The following SIK3 variants were observed in gnomAD, a reference collection of about 807,000 sequenced individuals.
SIK3 encodes SIK family kinase 3.
In SIK3, 28 loss-of-function variants were observed where a neutral mutation model predicts 144.2. The ratio of observed to expected loss-of-function variants is 0.19; its 90% confidence interval spans 0.14 to 0.27. The LOEUF is 0.27. Ranked by LOEUF, SIK3 falls within the 10% of genes least tolerant of loss-of-function variation. The probability of loss-of-function intolerance (pLI) is 1.00; values close to 1 mark genes in which losing one functional copy is unlikely to be tolerated. For synonymous variants in SIK3, 686 were observed against 676.3 expected, an observed-to-expected ratio of 1.01 and a Z score of -0.22; for missense variants, 1,319 against 1,776.0, an observed-to-expected ratio of 0.74 and a Z score of 4.62.
intron 3 of SIK3, among the ~76,000 whole-genome samples, chr11:116,951,070 C>T (rs554995496): frequency 6.6e-6 from 1 of 152,270 alleles, no homozygotes; most frequent in African/African-American, 2.4e-5. Flanking sequence ...TCTATATATG[C>T]GATCTCATTT....
At chr11:116,908,941 T>A (rs973611740) in intron 4 of SIK3, among the ~76,000 whole-genome samples, 1 of 152,222 alleles carries the variant, frequency 6.6e-6, no homozygotes, top group African/African-American at 2.4e-5. Flanking sequence ...TATACCAGGA[T>A]AAATGTTTAG....
chr11:116,901,204 C>A (rs1444510834), intron 4 of SIK3, among the ~76,000 whole-genome samples: 1 of 152,174 alleles, frequency 6.6e-6, no homozygotes, highest in Non-Finnish European at 1.5e-5. Flanking sequence ...TGTGTTTATA[C>A]CCTCCATTAA....
At chr11:116,960,093 T>C (rs1305299672) in intron 1 of SIK3, among the ~76,000 whole-genome samples, 3 of 152,160 alleles carry the variant, frequency 2.0e-5, no homozygotes, top group African/African-American at 7.2e-5. Flanking sequence ...TACAAACAAA[T>C]GTACTTCATC....
chr11:117,091,081 C>T (rs1354706661), intron 1 of SIK3, among the ~76,000 whole-genome samples: 1 of 151,918 alleles, frequency 6.6e-6, no homozygotes, highest in Non-Finnish European at 1.5e-5. Flanking sequence ...CCAGCTCCCC[C>T]ACTAACTACC....
chr11:116,881,055 C>T (rs896453110), intron 6 of SIK3, among the ~76,000 whole-genome samples: 1 of 151,998 alleles, frequency 6.6e-6, no homozygotes, highest in African/African-American at 2.4e-5. Context: ...ACCTGGGAGG[C>T]GGAGCTTGCA....
rs555633379 is a variant in SIK3, at chr11:116,876,454, C to T, written c.985-91G>A. On this transcript the variant is annotated intron_variant, in intron 7 of 24. Coordinates refer to ENST00000445177, the MANE Select transcript of SIK3 (RefSeq NM_001366686.3). ...TATAATGACCAACCTGTTCCATGCC[C>T]TCTGGCTTGGGATATTTTTGGCCTC... is the stretch of plus-strand genomic sequence containing the variant. 11 of 1,052,626 alleles carry T rather than the reference C, an allele frequency of 1.0e-5. 1 individual carries two copies. In the African/African-American group the frequency reaches 1.7e-4, roughly 16 times the overall value. The allele number at this position is 1,052,626 out of a possible 1,614,324, so 65.2% of individuals were successfully genotyped here. A position where few individuals can be genotyped will look rare whatever the true frequency, so the allele number is the denominator to read the frequency against.
At chr11:117,091,741 T>C (rs1485572978) in intron 1 of SIK3, among the ~76,000 whole-genome samples, 1 of 152,216 alleles carries the variant, frequency 6.6e-6, no homozygotes, top group African/African-American at 2.4e-5. Context: ...AAAAGGATTC[T>C]TGCTCTTAAC....
rs1333357151 is a variant in SIK3 at position 116,930,819 on chromosome 11, AAAGTC to A, written c.455-3444_455-3440del. 2.0e-5 allele frequency among the ~76,000 whole-genome samples: 3 copies of A among 151,124 alleles called. No individual in the cohort carries two copies. In the East Asian group the frequency reaches 5.9e-4, roughly 30 times the overall value. ...AACCTCAAGTAGACACCTGCTGCAT[AAAGTC>A]AAGTCCATCACACTAAGCTTTTTTC... On this transcript the variant is annotated intron_variant, in intron 3 of 24. Coordinates refer to ENST00000445177, the MANE Select transcript of SIK3 (RefSeq NM_001366686.3).
intron 1 of SIK3, among the ~76,000 whole-genome samples, chr11:117,075,546 CTTTTTTTTTTT>C (rs564984679): frequency 7.5e-5 from 10 of 134,132 alleles, no homozygotes; most frequent in Admixed American, 7.4e-4. Context: ...ATTTTTTTTT[CTTTTTTTTTTT>C]TTTTGAGGAA....
chr11:116,932,784 A>T (rs540057574), intron 3 of SIK3, among the ~76,000 whole-genome samples: 24 of 152,198 alleles, frequency 1.6e-4, no homozygotes, highest in African/African-American at 5.8e-4. Context: ...ACCTTTTGAG[A>T]TTGGCTTTTT....
chr11:116,950,228 G>C (rs747376364), intron 3 of SIK3: 1 of 458,410 alleles, frequency 2.2e-6, no homozygotes, highest in South Asian at 1.6e-5. Flanking sequence ...GCTCGGGGCA[G>C]AATGAGAATT....
At chr11:116,961,363 A>AAACT (rs148066380) in intron 1 of SIK3, among the ~76,000 whole-genome samples, 3,066 of 152,352 alleles carry the variant, frequency 0.02, 100 homozygotes, top group African/African-American at 0.069. Flanking sequence ...TGGAACAGAG[A>AAACT]AACTGCCAAG....
intron 4 of SIK3, among the ~76,000 whole-genome samples, chr11:116,909,265 C>T (rs1286799551): frequency 6.6e-6 from 1 of 151,718 alleles, no homozygotes; most frequent in Non-Finnish European, 1.5e-5. Context: ...AATGGCATCC[C>T]TTGGAGCAAA....
Position 116,858,541 on chromosome 11 carries a change from T to C in SIK3, c.2924A>G (p.Gln975Arg). The change falls in exon 21 of 25, where the codon CAA becomes CGA. Residue 975 changes from glutamine to arginine, a missense_variant. Gln to Arg is a conservative substitution (Grantham distance 43). Coordinates refer to ENST00000445177, the MANE Select transcript of SIK3 (RefSeq NM_001366686.3). The surrounding 1 kb of genome is among the most constrained non-coding windows in gnomAD (Gnocchi z 5.4). ...TQALKVPPLD[Q>R]FPTFPPSAHQ... ...TGCACTGGGAGGGAAGGTGGGGAATTGGTCAAGTGGAGGGACTTTCAGGGC... is the reference window on the plus strand; with the variant it reads ...TGCACTGGGAGGGAAGGTGGGGAATCGGTCAAGTGGAGGGACTTTCAGGGC... The C allele has an allele frequency of 6.2e-7, 1 of 1,613,472 alleles. No individual in the cohort carries two copies. Among genetic ancestry groups the C allele is most frequent in the Non-Finnish European group, 8.5e-7 (1 of 1,179,822 alleles).
intron 1 of SIK3, chr11:117,035,724 GT>G (rs1952466553): frequency 9.1e-7 from 1 of 1,099,936 alleles, no homozygotes; most frequent in Non-Finnish European, 1.4e-6. Flanking sequence ...CCGGCTAATT[GT>G]TTTAATTTTT....
intron 1 of SIK3, 64 bp downstream of exon 1, chr11:117,098,079 G>A: frequency 1.6e-6 from 2 of 1,256,254 alleles, no homozygotes; most frequent in Non-Finnish European, 2.0e-6. Flanking sequence ...CCCCCCGGCT[G>A]GGGGGCGCGG....
At chr11:116,851,206 C>T (rs1199005540) in intron 21 of SIK3, among the ~76,000 whole-genome samples, 1 of 152,054 alleles carries the variant, frequency 6.6e-6, no homozygotes, top group Admixed American at 6.6e-5. Context: ...TCTTTAAAAG[C>T]CTGGGACTTG....
rs1943093045 is a variant in SIK3 at position 116,858,305 on chromosome 11, G to GCTT, written c.3159_3160insAAG (p.Gln1053_Gln1054insLys). On this transcript the variant is annotated inframe_insertion, in exon 21 of 25. Coordinates refer to ENST00000445177, the MANE Select transcript of SIK3 (RefSeq NM_001366686.3). The surrounding 1 kb of genome is among the most constrained non-coding windows in gnomAD (Gnocchi z 5.4). ...TCTTGCTGTTGCTGCTGTTGCTGCT[G>GCTT]CTGCTGCCGTTGTTGCTGCTGCCTT... 1.9e-6 allele frequency: 3 copies of GCTT among 1,612,912 alleles called. No individual in the cohort carries two copies. In the African/African-American group the frequency reaches 4.0e-5, roughly 22 times the overall value.
At chr11:116,870,517 T>A in intron 13 of SIK3, 116 bp from the exon 14 acceptor site, 9 of 1,385,518 alleles carry the variant, frequency 6.5e-6, no homozygotes, top group Non-Finnish European at 9.0e-6. Context: ...TACAGAACTT[T>A]TCTAGACTCC....
Sources: gnomAD v4.1 joint callset for allele counts (sites outside exome capture counted in the v4.1 genomes callset) on GRCh38, gnomAD v4.1.1 for gene constraint, Gnocchi (gnomAD v3.1) non-coding constraint, MANE v1.5 for transcripts, NCBI Gene and HGNC (gene_info 2026-07-23, HGNC 2026-07-21) for gene names.